The following ABCA13 variants were observed in gnomAD, a reference collection of about 807,000 sequenced individuals.
The protein encoded by ABCA13 is ATP-binding cassette sub-family A member 13.
ABCA13 carries 476 observed loss-of-function variants against 478.7 expected under a neutral mutation model. That is an observed-to-expected ratio of 0.99 (90% CI 0.92 to 1.07). ABCA13 has a LOEUF of 1.07. ABCA13 is among the 50% of genes least tolerant of loss of function. The pLI, the probability that ABCA13 is intolerant of heterozygous loss-of-function variation, is 0.00. For synonymous variants in ABCA13, 2,252 were observed against 2,158.9 expected (o/e 1.04, Z -1.20); for missense variants, 6,060 against 5,910.6 (o/e 1.03, Z -0.83).
chr7:48,623,085 G>T (rs1586016880), intron 59 of ABCA13, among the ~76,000 whole-genome samples: 1 of 152,150 alleles, frequency 6.6e-6, no homozygotes, highest in African/African-American at 2.4e-5. Context: ...CTTCCTTCCT[G>T]CTGGAGCACT....
chr7:48,295,737 A>G lies in ABCA13; in HGVS notation c.8993A>G (p.Asn2998Ser), dbSNP rs987348232. Residue 2998 changes from asparagine to serine, a missense_variant, in exon 21 of 62, where the codon AAT becomes AGT. By Grantham distance (46) the Asn-to-Ser change is conservative. Around this residue, in one of 3 missense-constraint regions of ABCA13, gnomAD observed 4,423 missense variants for 4,309.1 expected, o/e 1.03. Transcript: ENST00000435803. ...EKIWSSPNQL[N>S]CESLSKNLSS... ...ATATGGTCCTCGCCGAATCAGCTAA[A>G]TTGTGAAAGTCTTAGCAAGAATCTT... 2.5e-6 allele frequency: 4 copies of G among 1,613,960 alleles called. No homozygotes were observed. In the African/African-American group the frequency reaches 4.0e-5, roughly 16 times the overall value.
At position 48,470,970 on chromosome 7, in the gene ABCA13, A is replaced by G. The variant is rs188315357; in HGVS notation, c.12906-560A>G. On this transcript the variant is annotated intron_variant, in intron 44 of 61. Coordinates refer to ENST00000435803, the MANE Select transcript of ABCA13 (RefSeq NM_152701.5). Reference sequence around the variant, plus strand: ...TAGAAAAAATATTTTAAAGTATGGGACTCATAAGGAAATAGAAATGATAGG... The same window carrying G: ...TAGAAAAAATATTTTAAAGTATGGGGCTCATAAGGAAATAGAAATGATAGG... Among the ~76,000 whole-genome samples the G allele has an allele frequency of 4.1e-4, 62 of 152,296 alleles. 1 individual carries two copies. The highest frequency in any genetic ancestry group is 1.3e-3 in the African/African-American group (52 of 41,562).
intron 48 of ABCA13, among the ~76,000 whole-genome samples, chr7:48,491,518 C>G (rs1829842763): frequency 6.6e-6 from 1 of 152,108 alleles, no homozygotes; most frequent in Non-Finnish European, 1.5e-5. Flanking sequence ...TTCCAGAGGG[C>G]TAGTTCAATG....
In ABCA13 at chr7:48,588,747, T is replaced by A. The variant is rs150303476; in HGVS notation, c.14640+1459T>A. Reference sequence around the variant, plus strand: ...GTGTCTAGCAGATGGTAAACCACAGTAAATATTCGTGACTATGATGATGGT... The same window carrying A: ...GTGTCTAGCAGATGGTAAACCACAGAAAATATTCGTGACTATGATGATGGT... On this transcript the variant is annotated intron_variant, in intron 57 of 61. Transcript: ENST00000435803. 8.7e-3 allele frequency among the ~76,000 whole-genome samples: 1,327 copies of A among 152,294 alleles called. 8 individuals carry two copies. Among genetic ancestry groups the A allele is most frequent in the South Asian group, 0.029 (138 of 4,828 alleles).
chr7:48,350,447 A>G (rs1287354812), intron 29 of ABCA13, among the ~76,000 whole-genome samples, 196 bp from the exon 30 acceptor site: 1 of 152,108 alleles, frequency 6.6e-6, no homozygotes, highest in Admixed American at 6.5e-5. Context: ...GAGCATGTGT[A>G]TAAAAGTGTA....
intron 59 of ABCA13, among the ~76,000 whole-genome samples, chr7:48,629,098 G>A (rs1586036549): frequency 6.6e-6 from 1 of 152,152 alleles, no homozygotes; most frequent in Non-Finnish European, 1.5e-5. Context: ...TCTGCCTTTG[G>A]CATCTCCACT....
intron 42 of ABCA13, among the ~76,000 whole-genome samples, chr7:48,432,041 C>T (rs1822219534): frequency 6.6e-6 from 1 of 152,076 alleles, no homozygotes; most frequent in African/African-American, 2.4e-5. Flanking sequence ...CGTAACAAAC[C>T]TGCACGTTGT....
chr7:48,521,437 C>G (rs1479213839), intron 53 of ABCA13, among the ~76,000 whole-genome samples: 2 of 152,070 alleles, frequency 1.3e-5, no homozygotes, highest in African/African-American at 2.4e-5. Flanking sequence ...GTTACATAAC[C>G]CCTTTTAATA....
At chr7:48,378,819 C>T (rs1166487773) in intron 35 of ABCA13, among the ~76,000 whole-genome samples, 1 of 152,224 alleles carries the variant, frequency 6.6e-6, no homozygotes, top group Non-Finnish European at 1.5e-5. Context: ...TCCATGTTTT[C>T]ATCAAGCCAT....
chr7:48,444,933 T>C (rs747120984), intron 42 of ABCA13, among the ~76,000 whole-genome samples: 1 of 152,000 alleles, frequency 6.6e-6, no homozygotes, highest in Non-Finnish European at 1.5e-5. Context: ...GCCCTCCATA[T>C]GTAGCCATCC....
At chr7:48,518,457 G>A (rs956814110) in intron 52 of ABCA13, among the ~76,000 whole-genome samples, 2 of 152,120 alleles carry the variant, frequency 1.3e-5, no homozygotes, top group Non-Finnish European at 2.9e-5. Context: ...CCACTCATGA[G>A]GTTTTACCAG....
chr7:48,180,410 T>C (rs1464123948), intron 1 of ABCA13, among the ~76,000 whole-genome samples: 1 of 152,188 alleles, frequency 6.6e-6, no homozygotes, highest in Non-Finnish European at 1.5e-5. Flanking sequence ...TCACATCATA[T>C]TGATGCTGGA....
intron 3 of ABCA13, among the ~76,000 whole-genome samples, chr7:48,215,094 A>G (rs1786242938): frequency 1.3e-5 from 2 of 152,180 alleles, no homozygotes. Flanking sequence ...CAGCCTGGGC[A>G]ACAAGAGTGA....
chr7:48,223,958 CAAAA>C (rs1197606657), intron 5 of ABCA13, among the ~76,000 whole-genome samples: 40 of 78,620 alleles, frequency 5.1e-4, no homozygotes, highest in Middle Eastern at 6.7e-3. Flanking sequence ...GACTCGGTCT[CAAAA>C]AAAAAAAAAA....
intron 27 of ABCA13, among the ~76,000 whole-genome samples, chr7:48,328,961 A>T (rs1011445460): frequency 3.9e-5 from 6 of 152,172 alleles, no homozygotes; most frequent in Non-Finnish European, 5.9e-5. Flanking sequence ...CTTTGAGGCC[A>T]TGTTGGGAAT....
intron 42 of ABCA13, among the ~76,000 whole-genome samples, chr7:48,434,091 A>G (rs1822506137): frequency 6.6e-6 from 1 of 151,988 alleles, no homozygotes; most frequent in South Asian, 2.1e-4. Flanking sequence ...AAATTGCTGT[A>G]TCATTTTCCA....
intron 41 of ABCA13, among the ~76,000 whole-genome samples, chr7:48,423,405 C>G (rs986935708): frequency 1.5e-4 from 23 of 152,142 alleles, no homozygotes; most frequent in Admixed American, 1.4e-3. Context: ...TCTCTAGCAT[C>G]TAAGCAAAAA....
In ABCA13 at chr7:48,193,898, G is replaced by A. The variant is rs1367199375; in HGVS notation, c.163+846G>A. Among the ~76,000 whole-genome samples the A allele has an allele frequency of 3.8e-4, 11 of 29,172 alleles. No homozygotes were observed. The South Asian group carries it at 0.014, about 38-fold the overall frequency. The allele number at this position is 29,172 out of a possible 152,430, so 19.1% of individuals were successfully genotyped here. A position where few individuals can be genotyped will look rare whatever the true frequency, so the allele number is the denominator to read the frequency against. ...GAGATAATAACCGTGATCATGATGA[G>A]GGAGATGATGATAGTGATGATGCTG... On this transcript the variant is annotated intron_variant, in intron 2 of 61. Transcript: ENST00000435803.
chr7:48,331,039 A>G (rs1016029871), intron 27 of ABCA13, among the ~76,000 whole-genome samples: 5 of 152,210 alleles, frequency 3.3e-5, no homozygotes, highest in African/African-American at 1.2e-4. Context: ...ATGCAATAAG[A>G]AAAAGGTCTG....
Sources: allele counts gnomAD v4.1 joint callset (sites outside exome capture counted in the v4.1 genomes callset), GRCh38; gene constraint gnomAD v4.1.1; regional missense constraint gnomAD v4.1.1; transcripts MANE v1.5; gene names NCBI Gene and HGNC (gene_info 2026-07-23, HGNC 2026-07-21).